The following EYS variants were observed in gnomAD, a reference collection of about 807,000 sequenced individuals.
EYS encodes protein eyes shut homolog.
A neutral mutation model predicts 282.1 loss-of-function variants in EYS; 250 were observed. That is an observed-to-expected ratio of 0.89 (90% CI 0.80 to 0.98). The LOEUF (loss-of-function observed/expected upper bound fraction) is 0.98. Among genes scored for constraint, EYS ranks in the 50% least tolerant of loss-of-function variants. The probability of loss-of-function intolerance (pLI) is 0.00; values close to 1 mark genes in which losing one functional copy is unlikely to be tolerated. For synonymous variants in EYS, 1,355 were observed against 1,282.9 expected (o/e 1.06, Z -1.20); for missense variants, 4,016 against 3,709.0 (o/e 1.08, Z -2.15).
intron 5 of EYS, among the ~76,000 whole-genome samples, chr6:65,452,153 C>G (rs1764425769): frequency 6.6e-6 from 1 of 151,656 alleles, no homozygotes; most frequent in Non-Finnish European, 1.5e-5. Flanking sequence ...TGGAGGTCAG[C>G]TCTTATTAAT....
rs183662596 is a variant in EYS, at chr6:65,060,710, A to G, written c.2024-2983T>C. Among the ~76,000 whole-genome samples, 194 of 151,310 alleles carry G rather than the reference A, an allele frequency of 1.3e-3. 2 individuals carry two copies. The highest frequency in any genetic ancestry group is 2.0e-3 in the Non-Finnish European group (138 of 67,730). On this transcript the variant is annotated intron_variant, in intron 12 of 42. Transcript: ENST00000503581. ...AGCACAACACTTTTCTAGTGTTTAC[A>G]CCTTCTTCTGCAGTCAGTTGCATAT...
intron 29 of EYS, among the ~76,000 whole-genome samples, chr6:64,370,689 A>G (rs1256740727): frequency 6.6e-6 from 1 of 151,574 alleles, no homozygotes; most frequent in Admixed American, 6.6e-5. Flanking sequence ...TTAATGATTC[A>G]ATTTTGGAAC....
chr6:64,641,061 T>C (rs1768133233), intron 22 of EYS, among the ~76,000 whole-genome samples: 1 of 152,206 alleles, frequency 6.6e-6, no homozygotes, highest in Non-Finnish European at 1.5e-5. Flanking sequence ...ATCTTCACAA[T>C]AGAACTACTT....
intron 13 of EYS, among the ~76,000 whole-genome samples, chr6:65,049,040 C>T (rs1374562339): frequency 2.0e-5 from 3 of 151,772 alleles, no homozygotes; most frequent in East Asian, 1.9e-4. Context: ...TAATCTGCTT[C>T]GCTATAGTAA....
At chr6:65,101,683 T>C (rs1246795143) in intron 12 of EYS, among the ~76,000 whole-genome samples, 1 of 151,274 alleles carries the variant, frequency 6.6e-6, no homozygotes, top group Non-Finnish European at 1.5e-5. Flanking sequence ...GAGTACCTTG[T>C]CTGCTTTCTG....
At chr6:65,231,073 A>ACATATATAAGTGTATATATATATACTTT (rs1766759656) in intron 12 of EYS, among the ~76,000 whole-genome samples, 4 of 146,544 alleles carry the variant, frequency 2.7e-5, no homozygotes, top group Non-Finnish European at 4.5e-5. Context: ...GTACTTTTAT[A>ACATATATAAGTGTATATATATATACTTT]TATATATATG....
intron 26 of EYS, among the ~76,000 whole-genome samples, chr6:64,556,240 T>C (rs565939573): frequency 6.6e-6 from 1 of 152,132 alleles, no homozygotes; most frequent in East Asian, 1.9e-4. Flanking sequence ...ATTTTTATTA[T>C]GTGGAGAATA....
intron 33 of EYS, among the ~76,000 whole-genome samples, chr6:64,000,191 T>G (rs1488025572): frequency 1.9e-5 from 2 of 108,082 alleles, no homozygotes; most frequent in Non-Finnish European, 3.8e-5. Flanking sequence ...TTTTTTTTTT[T>G]TTTTTTTTTT....
chr6:64,095,640 A>G (rs1259898826), intron 31 of EYS, among the ~76,000 whole-genome samples: 2 of 152,128 alleles, frequency 1.3e-5, no homozygotes, highest in Non-Finnish European at 2.9e-5. Flanking sequence ...TTTTGAGCCT[A>G]TATGTGTCTC....
At chr6:65,023,717 G>T (rs189538720) in intron 13 of EYS, among the ~76,000 whole-genome samples, 246 of 152,316 alleles carry the variant, frequency 1.6e-3, no homozygotes, top group Non-Finnish European at 2.9e-3. Context: ...AGGAGACTCG[G>T]GTTTGCTTGC....
At chr6:65,693,639 G>C (rs1330167137) in intron 1 of EYS, among the ~76,000 whole-genome samples, 1 of 149,892 alleles carries the variant, frequency 6.7e-6, no homozygotes, top group African/African-American at 2.4e-5. Flanking sequence ...GAAAATTATA[G>C]AATTTCAAGT....
chr6:64,611,093 T>C (rs1216978805), intron 24 of EYS, among the ~76,000 whole-genome samples: 1 of 152,198 alleles, frequency 6.6e-6, no homozygotes, highest in East Asian at 1.9e-4. Context: ...TCATAAAAGC[T>C]AGGATCTTGG....
intron 22 of EYS, among the ~76,000 whole-genome samples, chr6:64,707,528 G>T (rs997523556): frequency 1.3e-5 from 2 of 152,010 alleles, no homozygotes; most frequent in African/African-American, 4.8e-5. Flanking sequence ...AATTAGCCGG[G>T]CGTGGTGGCG....
At chr6:64,289,402 A>C (rs757865564) in intron 30 of EYS, among the ~76,000 whole-genome samples, 10 of 152,042 alleles carry the variant, frequency 6.6e-5, no homozygotes, top group Non-Finnish European at 1.3e-4. Flanking sequence ...GTTTTGTTGT[A>C]TCCCATATCC....
intron 15 of EYS, among the ~76,000 whole-genome samples, chr6:64,926,274 T>A (rs1269501975): frequency 6.6e-6 from 1 of 152,178 alleles, no homozygotes; most frequent in African/African-American, 2.4e-5. Flanking sequence ...GCTTCTCCCC[T>A]GCTCAAGATC....
intron 26 of EYS, among the ~76,000 whole-genome samples, chr6:64,511,826 G>GGT (rs1554169187): frequency 3.2e-4 from 48 of 151,510 alleles, no homozygotes; most frequent in East Asian, 2.0e-3. Context: ...TTTGGGGGGG[G>GGT]GTGTTAAAAT....
intron 22 of EYS, among the ~76,000 whole-genome samples, chr6:64,670,333 G>A: frequency 6.6e-6 from 1 of 151,500 alleles, no homozygotes; most frequent in East Asian, 1.9e-4. Flanking sequence ...CAACAGCCTT[G>A]AACGAAGTCT....
intron 25 of EYS, among the ~76,000 whole-genome samples, chr6:64,592,804 T>C (rs12663027): frequency 0.098 from 14,964 of 152,132 alleles, 913 homozygotes; most frequent in East Asian, 0.17. Flanking sequence ...TAAAGACACA[T>C]TGATGCAAGT....
At chr6:64,769,385 AAATTTTATAT>A (rs1416138094) in intron 22 of EYS, among the ~76,000 whole-genome samples, 6 of 152,044 alleles carry the variant, frequency 3.9e-5, no homozygotes, top group African/African-American at 1.4e-4. Flanking sequence ...ACTGAAGTTT[AAATTTTATAT>A]AATTTTATAT....
Sources: gnomAD v4.1 joint callset for allele counts (sites outside exome capture counted in the v4.1 genomes callset) on GRCh38, gnomAD v4.1.1 for gene constraint, MANE v1.5 for transcripts, NCBI Gene and HGNC (gene_info 2026-07-23, HGNC 2026-07-21) for gene names.